Variants in UBE2E2 observed in about 807,000 individuals in gnomAD.
The protein encoded by UBE2E2 is ubiquitin-conjugating enzyme E2 E2.
A neutral mutation model predicts 24.7 loss-of-function variants in UBE2E2; 6 were observed. The ratio of observed to expected loss-of-function variants is 0.24; its 90% CI spans 0.13 to 0.48. The LOEUF (loss-of-function observed/expected upper bound fraction) is 0.48. UBE2E2 is among the 20% of genes least tolerant of loss of function. UBE2E2 has a pLI of 0.99. For missense variants in UBE2E2, 169 were observed against 245.0 expected (o/e 0.69, Z 2.07); for synonymous variants, 104 against 83.6 (o/e 1.24, Z -1.33).
At chr3:23,410,912 T>G (rs552752158) in intron 3 of UBE2E2, among the ~76,000 whole-genome samples, 1 of 152,158 alleles carries the variant, frequency 6.6e-6, no homozygotes, top group Non-Finnish European at 1.5e-5. Context: ...TGAAAAACAC[T>G]TAAAGAAGCG....
At chr3:23,540,983 C>T (rs1427727802) in intron 5 of UBE2E2, among the ~76,000 whole-genome samples, 1 of 152,192 alleles carries the variant, frequency 6.6e-6, no homozygotes, top group Non-Finnish European at 1.5e-5. Flanking sequence ...TTAAACAATA[C>T]ATATTTGAAA....
intron 3 of UBE2E2, among the ~76,000 whole-genome samples, chr3:23,484,351 C>T (rs960306621): frequency 6.6e-6 from 1 of 152,154 alleles, no homozygotes; most frequent in Admixed American, 6.5e-5. Context: ...CCTGAGAGAA[C>T]CTAATGTTTC....
chr3:23,453,287 T>C lies in UBE2E2; in HGVS notation c.228-46321T>C, dbSNP rs542456292. The stretch of plus-strand genomic sequence containing the variant: ...AATTTTTTGTTAAAATGAGCAACTA[T>C]TTTTTAATTCATCCATTTCCGTTGG... On this transcript the variant is annotated intron_variant, in intron 3 of 5. Transcript: ENST00000396703. Among the ~76,000 whole-genome samples the C allele has an allele frequency of 2.0e-5, 3 of 152,294 alleles. No individual in the cohort carries two copies. The East Asian group carries it at 5.8e-4, about 29-fold the overall frequency.
intron 3 of UBE2E2, among the ~76,000 whole-genome samples, chr3:23,390,999 A>G (rs140716349): frequency 5.3e-5 from 8 of 152,366 alleles, no homozygotes; most frequent in Non-Finnish European, 1.2e-4. Context: ...ATAACAACTA[A>G]TACTTCTTCA....
chr3:23,581,887 A>G (rs1458839244), intron 5 of UBE2E2, among the ~76,000 whole-genome samples: 3 of 151,942 alleles, frequency 2.0e-5, no homozygotes, highest in Non-Finnish European at 4.4e-5. Context: ...TCCTCTTACC[A>G]CTTAGCTGCT....
chr3:23,494,097 G>T (rs1699554414), intron 3 of UBE2E2, among the ~76,000 whole-genome samples: 1 of 152,222 alleles, frequency 6.6e-6, no homozygotes, highest in Non-Finnish European at 1.5e-5. Context: ...TCCAGAGCCT[G>T]TTTATGTTCT....
At chr3:23,414,712 G>A (rs116466592) in intron 3 of UBE2E2, among the ~76,000 whole-genome samples, 1 of 152,252 alleles carries the variant, frequency 6.6e-6, no homozygotes, top group Non-Finnish European at 1.5e-5. Context: ...AAGAGGTGAG[G>A]CCTTTACAAA....
intron 2 of UBE2E2, among the ~76,000 whole-genome samples, chr3:23,213,949 G>T (rs1307280900): frequency 6.6e-6 from 1 of 152,076 alleles, no homozygotes; most frequent in Non-Finnish European, 1.5e-5. Flanking sequence ...TATCCCACTT[G>T]TCAAGGCTGA....
At chr3:23,245,472 T>A (rs1396894165) in intron 3 of UBE2E2, among the ~76,000 whole-genome samples, 2 of 152,190 alleles carry the variant, frequency 1.3e-5, no homozygotes, top group African/African-American at 4.8e-5. Flanking sequence ...TAAATCATTA[T>A]AAATGAATGG....
intron 5 of UBE2E2, among the ~76,000 whole-genome samples, chr3:23,584,950 G>A (rs985851506): frequency 1.3e-5 from 2 of 152,110 alleles, no homozygotes; most frequent in African/African-American, 4.8e-5. Flanking sequence ...TCTAAATTGT[G>A]TAGGGAGACA....
intron 3 of UBE2E2, among the ~76,000 whole-genome samples, chr3:23,477,871 T>C (rs1699173253): frequency 6.6e-6 from 1 of 152,208 alleles, no homozygotes; most frequent in Admixed American, 6.5e-5. Context: ...CTTTTGACAG[T>C]GAGTTCTCAC....
chr3:23,437,689 T>G (rs539259680), intron 3 of UBE2E2, among the ~76,000 whole-genome samples: 1 of 152,354 alleles, frequency 6.6e-6, no homozygotes, highest in East Asian at 1.9e-4. Flanking sequence ...TTCTGTATAG[T>G]GTCTGGCATG....
At chr3:23,514,585 A>AG (rs1694686914) in intron 4 of UBE2E2, among the ~76,000 whole-genome samples, 1 of 151,718 alleles carries the variant, frequency 6.6e-6, no homozygotes, top group South Asian at 2.1e-4. Context: ...AGAAAGTAAT[A>AG]TTTTATTATT....
chr3:23,542,903 A>G (rs958875965), intron 5 of UBE2E2, among the ~76,000 whole-genome samples: 28 of 152,280 alleles, frequency 1.8e-4, no homozygotes, highest in African/African-American at 6.0e-4. Flanking sequence ...GCATTTCCCT[A>G]TGCATATTTT....
At chr3:23,222,662 T>C (rs1183182924) in intron 3 of UBE2E2, among the ~76,000 whole-genome samples, 1 of 152,212 alleles carries the variant, frequency 6.6e-6, no homozygotes, top group East Asian at 1.9e-4. Flanking sequence ...AACGTCTTTT[T>C]GTAAATTGCC....
intron 5 of UBE2E2, among the ~76,000 whole-genome samples, chr3:23,569,723 A>T (rs1467953646): frequency 6.6e-6 from 1 of 152,204 alleles, no homozygotes; most frequent in Non-Finnish European, 1.5e-5. Flanking sequence ...GGAATACACC[A>T]TCTGTGCTGT....
At chr3:23,328,146 C>T (rs184080866) in intron 3 of UBE2E2, among the ~76,000 whole-genome samples, 19 of 151,434 alleles carry the variant, frequency 1.3e-4, no homozygotes, top group South Asian at 6.3e-4. Flanking sequence ...GGATAATTTG[C>T]GACAATAAAA....
intron 5 of UBE2E2, among the ~76,000 whole-genome samples, chr3:23,572,213 T>C (rs922374069): frequency 6.6e-6 from 1 of 152,204 alleles, no homozygotes; most frequent in Non-Finnish European, 1.5e-5. Flanking sequence ...CACACTGTTA[T>C]GTCTTTTGAG....
At chr3:23,263,981 T>C (rs1394900148) in intron 3 of UBE2E2, among the ~76,000 whole-genome samples, 1 of 152,200 alleles carries the variant, frequency 6.6e-6, no homozygotes, top group Non-Finnish European at 1.5e-5. Flanking sequence ...AGGGTATCCG[T>C]GGTGACTAAT....
Sources: gnomAD v4.1 joint callset for allele counts (sites outside exome capture counted in the v4.1 genomes callset) on GRCh38, gnomAD v4.1.1 for gene constraint, MANE v1.5 for transcripts, NCBI Gene and HGNC (gene_info 2026-07-23, HGNC 2026-07-21) for gene names.